DNAI1: variants seen among roughly 807,000 people sequenced by gnomAD.
DNAI1 encodes the protein dynein axonemal intermediate chain 1, also known as dynein, axonemal, intermediate polypeptide 1.
A neutral mutation model predicts 92.0 loss-of-function variants in DNAI1; 67 were observed. The ratio of observed to expected loss-of-function variants is 0.73; its 90% CI spans 0.60 to 0.89. The LOEUF is 0.89. DNAI1 is among the 40% of genes least tolerant of loss of function. DNAI1 has a pLI of 0.00. For synonymous variants in DNAI1, 323 were observed against 319.6 expected (o/e 1.01, Z -0.11); for missense variants, 839 against 866.6 (o/e 0.97, Z 0.40).
intron 18 of DNAI1, among the ~76,000 whole-genome samples, chr9:34,515,619 A>G (rs573366072): frequency 6.6e-6 from 1 of 152,376 alleles, no homozygotes; most frequent in South Asian, 2.1e-4. Context: ...TAAACAAAAT[A>G]TAGTCTCTCC....
chr9:34,470,769 GA>G (rs774229571), intron 1 of DNAI1, among the ~76,000 whole-genome samples: 1 of 152,140 alleles, frequency 6.6e-6, no homozygotes, highest in Non-Finnish European at 1.5e-5. Flanking sequence ...ACAGTAGAAT[GA>G]AAACTACGCC....
In DNAI1 at chr9:34,511,883, A is replaced by G. The variant is rs531933157; in HGVS notation, c.1312-226A>G. Among the ~76,000 whole-genome samples the G allele has an allele frequency of 1.2e-4, 19 of 152,226 alleles. No individual in the cohort carries two copies. In the East Asian group the frequency reaches 2.1e-3, roughly 17 times the overall value. ...TTAAGGCAATGCTTTGACTGGCACT[A>G]TTGCTCCAGGATGGTCAAGAAAGGA... On this transcript the variant is annotated intron_variant, in intron 13 of 19. Coordinates refer to ENST00000242317, the MANE Select transcript of DNAI1 (RefSeq NM_012144.4).
At chr9:34,496,467 C>T (rs1345725030) in intron 9 of DNAI1, among the ~76,000 whole-genome samples, 1 of 152,218 alleles carries the variant, frequency 6.6e-6, no homozygotes, top group African/African-American at 2.4e-5. Flanking sequence ...TATGGAATTT[C>T]ACACAATGGC....
In DNAI1 at chr9:34,507,887, G is replaced by C. The variant is rs573369999; in HGVS notation, c.1311+1013G>C. Among the ~76,000 whole-genome samples the C allele has an allele frequency of 5.3e-5, 8 of 152,282 alleles. No homozygotes were observed. The South Asian group carries it at 1.7e-3, about 32-fold the overall frequency. ...TCTGCAGAAGTCTGACACCAACCTG[G>C]AACCATTACCTCGACATTGGGGCTG... On this transcript the variant is annotated intron_variant, in intron 13 of 19. Transcript: ENST00000242317.
At position 34,483,319 on chromosome 9, in the gene DNAI1, T is replaced by C. The variant is rs866592425; in HGVS notation, c.49-129T>C. 65 of 879,038 alleles carry C rather than the reference T, an allele frequency of 7.4e-5. No homozygotes were observed. In the Middle Eastern group the frequency reaches 8.3e-4, roughly 11 times the overall value. The allele number at this position is 879,038 out of a possible 1,614,324, so 54.5% of individuals were successfully genotyped here. ...GAGAGCAAGCGAGGGCTCTGAGGACTGCCAGCACGCTGTCACCTCTCACTT... is the reference window on the plus strand; with the variant it reads ...GAGAGCAAGCGAGGGCTCTGAGGACCGCCAGCACGCTGTCACCTCTCACTT... On this transcript the variant is annotated intron_variant, in intron 1 of 19. Coordinates refer to ENST00000242317, the MANE Select transcript of DNAI1 (RefSeq NM_012144.4).
At chr9:34,501,107 T>A (rs1010093384) in intron 11 of DNAI1, 31 bp from the exon 12 acceptor site, 3 of 1,597,296 alleles carry the variant, frequency 1.9e-6, no homozygotes, top group Non-Finnish European at 2.6e-6. Flanking sequence ...GTTCATTTCC[T>A]ATGCCAATGG....
chr9:34,517,286 C>T lies in DNAI1; in HGVS notation c.1820C>T (p.Ala607Val), dbSNP rs1206500478. 1 of 1,613,630 alleles carries T rather than the reference C, an allele frequency of 6.2e-7. No individual in the cohort carries two copies. The highest frequency in any genetic ancestry group is 2.2e-5 in the East Asian group (1 of 44,868). The change falls in exon 19 of 20, where the codon GCC becomes GTC. Residue 607 changes from alanine to valine, a missense_variant and splice_region_variant. Coordinates refer to ENST00000242317, the MANE Select transcript of DNAI1 (RefSeq NM_012144.4). The part of the protein sequence containing the change: ...VFAAVTTDGK[A>V]HIFDLAINKY... ...GTGCTGACACCGACCTCTCCACAGGCCCACATATTTGACTTAGCCATCAAC... is the reference window on the plus strand; with the variant it reads ...GTGCTGACACCGACCTCTCCACAGGTCCACATATTTGACTTAGCCATCAAC...
chr9:34,484,437 C>G (rs972798085), intron 2 of DNAI1, among the ~76,000 whole-genome samples: 1 of 152,206 alleles, frequency 6.6e-6, no homozygotes, highest in Non-Finnish European at 1.5e-5. Context: ...CATTTCCCTA[C>G]AGCCCCATGA....
intron 1 of DNAI1, among the ~76,000 whole-genome samples, chr9:34,479,574 G>T (rs998807988): frequency 1.3e-5 from 2 of 152,174 alleles, no homozygotes; most frequent in Non-Finnish European, 2.9e-5. Context: ...CATATTTACA[G>T]GGGGCAGCGG....
At chr9:34,495,154 T>C (rs1009483573) in intron 9 of DNAI1, among the ~76,000 whole-genome samples, 2 of 152,116 alleles carry the variant, frequency 1.3e-5, no homozygotes, top group African/African-American at 4.8e-5. Context: ...TCTGAATAAT[T>C]AGGTAGGAAA....
chr9:34,467,061 T>C (rs181101053), intron 1 of DNAI1, among the ~76,000 whole-genome samples: 1 of 152,322 alleles, frequency 6.6e-6, no homozygotes, highest in East Asian at 1.9e-4. Context: ...GAAGGAGGTA[T>C]TCTCTTTGCT....
intron 1 of DNAI1, among the ~76,000 whole-genome samples, chr9:34,463,460 T>G (rs937444806): frequency 6.6e-6 from 1 of 152,192 alleles, no homozygotes; most frequent in South Asian, 2.1e-4. Flanking sequence ...AATGCCCCAA[T>G]AGCAAAGCGT....
chr9:34,506,651 G>C lies in DNAI1; in HGVS notation c.1088G>C (p.Gly363Ala), dbSNP rs1470058689. 1 of 1,614,078 alleles carries C rather than the reference G, an allele frequency of 6.2e-7. No homozygotes were observed. The highest frequency in any genetic ancestry group is 1.3e-5 in the African/African-American group (1 of 74,930). Reference protein sequence around the residue: ...GSYDFMKQSRGMLLLYSLKNP... With the variant: ...GSYDFMKQSRAMLLLYSLKNP... ...GATGACTTCATGAAGCAGAGCCGGG[G>C]CATGCTGCTGCTCTACAGCCTGAAG... Residue 363 changes from glycine to alanine, a missense_variant, in exon 13 of 20, where the codon GGC (glycine) becomes GCC (alanine). By Grantham distance (60) the Gly-to-Ala change is moderately conservative (BLOSUM62 0). Coordinates refer to ENST00000242317, the MANE Select transcript of DNAI1 (RefSeq NM_012144.4).
chr9:34,487,786 C>T (rs184234275), intron 4 of DNAI1, among the ~76,000 whole-genome samples: 1 of 152,118 alleles, frequency 6.6e-6, no homozygotes, highest in African/African-American at 2.4e-5. Flanking sequence ...CCCAACCTCC[C>T]AATAGCCTCC....
At chr9:34,505,193 A>T (rs1291829908) in intron 12 of DNAI1, among the ~76,000 whole-genome samples, 1 of 152,318 alleles carries the variant, frequency 6.6e-6, no homozygotes, top group East Asian at 1.9e-4. Context: ...CGGAACCAAA[A>T]CCAGGTGGTA....
chr9:34,470,105 A>G (rs1315327540), intron 1 of DNAI1, among the ~76,000 whole-genome samples: 2 of 152,248 alleles, frequency 1.3e-5, no homozygotes, highest in Non-Finnish European at 1.5e-5. Flanking sequence ...TGATAAGTTC[A>G]GGATGCATAT....
intron 1 of DNAI1, among the ~76,000 whole-genome samples, chr9:34,475,672 A>G (rs762392039): frequency 5.6e-4 from 85 of 152,252 alleles, no homozygotes; most frequent in Non-Finnish European, 8.1e-4. Flanking sequence ...TATAATGCCA[A>G]TTTTTAAAAT....
chr9:34,487,330 C>T (rs983948988), intron 4 of DNAI1, among the ~76,000 whole-genome samples: 3 of 151,988 alleles, frequency 2.0e-5, no homozygotes, highest in South Asian at 2.1e-4. Context: ...GGACTACAGG[C>T]GCCCGCCACC....
chr9:34,520,384 C>A (rs1247387258), intron 19 of DNAI1, among the ~76,000 whole-genome samples: 1 of 152,200 alleles, frequency 6.6e-6, no homozygotes, highest in Non-Finnish European at 1.5e-5. Flanking sequence ...GAATGGATGC[C>A]TTTTCCCACT....
Sources: allele counts gnomAD v4.1 joint callset (sites outside exome capture counted in the v4.1 genomes callset), GRCh38; gene constraint gnomAD v4.1.1; transcripts MANE v1.5; gene names NCBI Gene and HGNC (gene_info 2026-07-23, HGNC 2026-07-21).